Variants in EML1 observed in about 807,000 individuals in gnomAD.
EML1 encodes the protein EMAP like 1.
Under a neutral mutation model 110.4 loss-of-function variants are expected in EML1, and 27 were observed. The observed-to-expected ratio is 0.24, with a 90% CI of 0.18 to 0.34. The LOEUF (loss-of-function observed/expected upper bound fraction) is 0.34. Among genes scored for constraint, EML1 ranks in the 10% least tolerant of loss-of-function variants. The probability of loss-of-function intolerance (pLI) is 1.00; values close to 1 mark genes in which losing one functional copy is unlikely to be tolerated. For missense variants in EML1, 741 were observed against 1,030.9 expected (o/e 0.72, Z 3.85); for synonymous variants, 344 against 385.8 (o/e 0.89, Z 1.27).
Position 99,936,514 on chromosome 14 carries a change from C to G in EML1, c.2095+180C>G, listed in dbSNP as rs1003488037. Reference sequence around the variant, plus strand: ...GGGCTGCGTGGCTTCTTGGGTCCTTCCCGGTTTCCTGCTGACTGTGAGCCC... The same window carrying G: ...GGGCTGCGTGGCTTCTTGGGTCCTTGCCGGTTTCCTGCTGACTGTGAGCCC... On this transcript the variant is annotated intron_variant, in intron 19 of 21. Transcript: ENST00000262233. This position sits in a 1 kb window ranked among gnomAD's most constrained non-coding sequence, Gnocchi z 5.5. 5.3e-5 allele frequency among the ~76,000 whole-genome samples: 8 copies of G among 152,128 alleles called. No homozygotes were observed. The highest frequency in any genetic ancestry group is 1.9e-4 in the African/African-American group (8 of 41,430).
intron 4 of EML1, among the ~76,000 whole-genome samples, chr14:99,880,392 C>T (rs900544717): frequency 4.6e-5 from 7 of 152,128 alleles, no homozygotes; most frequent in Non-Finnish European, 8.8e-5. Context: ...GACCCCTTCC[C>T]GCCTTTCTTC....
intron 9 of EML1, among the ~76,000 whole-genome samples, chr14:99,904,520 T>G (rs989437853): frequency 6.0e-5 from 9 of 151,136 alleles, no homozygotes; most frequent in African/African-American, 9.7e-5. Flanking sequence ...CACTTTTTAC[T>G]TTTCTTACAA....
chr14:99,880,612 C>T (rs1364322315), intron 4 of EML1, among the ~76,000 whole-genome samples: 5 of 152,134 alleles, frequency 3.3e-5, no homozygotes, highest in African/African-American at 7.2e-5. Flanking sequence ...ATCGCTCACT[C>T]GACATGTCCA....
At position 99,939,851 on chromosome 14, in the gene EML1, C is replaced by G; in HGVS notation, c.2323-136C>G. 9.0e-7 allele frequency: 1 copy of G among 1,110,316 alleles called. No individual in the cohort carries two copies. Among genetic ancestry groups the G allele is most frequent in the East Asian group, 2.6e-5 (1 of 38,432 alleles). 68.8% of individuals were successfully genotyped at this position (1,110,316 alleles called of 1,614,324 possible). A position where few individuals can be genotyped will look rare whatever the true frequency, so the allele number is the denominator to read the frequency against. On this transcript the variant is annotated intron_variant, in intron 21 of 21. Coordinates refer to ENST00000262233, the MANE Select transcript of EML1 (RefSeq NM_004434.3). The surrounding 1 kb of genome is among the most constrained non-coding windows in gnomAD (Gnocchi z 4.2). The stretch of plus-strand genomic sequence containing the variant: ...TGTCCCTTCTGTGTCACACACAGAG[C>G]AGGTTCCCAAGTGAGAGCTGCCGAG...
intron 1 of EML1, among the ~76,000 whole-genome samples, chr14:99,830,283 G>A (rs1403838063): frequency 6.6e-6 from 1 of 152,042 alleles, no homozygotes; most frequent in East Asian, 1.9e-4. Flanking sequence ...TTGGCCATTT[G>A]TATATCTTCT....
At chr14:99,793,692 T>A (rs2057713490) in intron 1 of EML1, 149 bp downstream of exon 1, 1 of 455,970 alleles carries the variant, frequency 2.2e-6, no homozygotes, top group African/African-American at 2.2e-5. Context: ...GCGGTCCCCG[T>A]TCCCGCCGCC....
intron 1 of EML1, among the ~76,000 whole-genome samples, chr14:99,814,580 G>A (rs547690215): frequency 6.6e-6 from 1 of 152,238 alleles, no homozygotes; most frequent in Admixed American, 6.5e-5. Flanking sequence ...GTATTTTATT[G>A]TAAAGCATTT....
intron 17 of EML1, among the ~76,000 whole-genome samples, chr14:99,931,496 T>C (rs921556027): frequency 6.6e-6 from 1 of 152,232 alleles, no homozygotes; most frequent in African/African-American, 2.4e-5. Context: ...GTTGTCCTTC[T>C]GCCCTGAGCA....
chr14:99,738,809 TCCCAGGCAG>T (rs1273580219), intron 1 of EML1, among the ~76,000 whole-genome samples: 2 of 152,148 alleles, frequency 1.3e-5, no homozygotes, highest in South Asian at 2.1e-4. Flanking sequence ...CAGATGGGCA[TCCCAGGCAG>T]CCCAGGCAGC....
At chr14:99,739,091 T>TGTGTGTGA (rs112232539) in intron 1 of EML1, among the ~76,000 whole-genome samples, 7 of 136,502 alleles carry the variant, frequency 5.1e-5, no homozygotes, top group South Asian at 2.5e-4. Context: ...TGTGTGTGTG[T>TGTGTGTGA]GAGAGAGAGA....
chr14:99,811,580 A>T (rs2058080180), intron 1 of EML1, among the ~76,000 whole-genome samples: 1 of 150,010 alleles, frequency 6.7e-6, no homozygotes, highest in Admixed American at 6.7e-5. Context: ...AGGCGGGAGG[A>T]TCACTTGACC....
intron 6 of EML1, among the ~76,000 whole-genome samples, chr14:99,896,024 A>G (rs528470029): frequency 6.6e-6 from 1 of 152,308 alleles, no homozygotes; most frequent in South Asian, 2.1e-4. Context: ...GTGAGCTTCC[A>G]GGGGAAAAAA....
chr14:99,803,935 A>G (rs923975687), intron 1 of EML1, among the ~76,000 whole-genome samples: 6 of 152,224 alleles, frequency 3.9e-5, no homozygotes, highest in African/African-American at 1.4e-4. Flanking sequence ...ATGATGCTTT[A>G]TCTACTATTG....
intron 1 of EML1, among the ~76,000 whole-genome samples, chr14:99,745,535 A>G (rs1449123660): frequency 6.6e-6 from 1 of 152,198 alleles, no homozygotes; most frequent in African/African-American, 2.4e-5. Flanking sequence ...GTTTGCAAAG[A>G]CTAGAGGTTG....
intron 1 of EML1, among the ~76,000 whole-genome samples, chr14:99,825,408 C>T (rs1222310033): frequency 6.6e-6 from 1 of 152,186 alleles, no homozygotes; most frequent in Non-Finnish European, 1.5e-5. Context: ...AATGATTTCA[C>T]TTCCTTTGGA....
chr14:99,896,617 G>A (rs72710038), intron 6 of EML1, among the ~76,000 whole-genome samples: 1,755 of 152,192 alleles, frequency 0.012, 15 homozygotes, highest in Non-Finnish European at 0.02. Context: ...ATCTTGCCGG[G>A]TTACTTTTTA....
chr14:99,793,442 G>C lies in EML1; in HGVS notation c.-35G>C. 2 of 1,036,154 alleles carry C rather than the reference G, an allele frequency of 1.9e-6. No homozygotes were observed. Among genetic ancestry groups the C allele is most frequent in the Non-Finnish European group, 2.3e-6 (2 of 862,488 alleles). 64.2% of individuals were successfully genotyped at this position (1,036,154 alleles called of 1,614,324 possible). A position where few individuals can be genotyped will look rare whatever the true frequency, so the allele number is the denominator to read the frequency against. ...TGTGGTGAGCGGCGGCGGCGCGGCC[G>C]GGCCGGGGAGCGGGCGCGGCCCGGC... On this transcript the variant is annotated 5_prime_UTR_variant, in exon 1 of 22. Coordinates refer to ENST00000262233, the MANE Select transcript of EML1 (RefSeq NM_004434.3).
At chr14:99,828,627 A>G (rs1283572654) in intron 1 of EML1, among the ~76,000 whole-genome samples, 1 of 152,220 alleles carries the variant, frequency 6.6e-6, no homozygotes. Flanking sequence ...CTTGAACAAT[A>G]TAGGGGTTAC....
intron 3 of EML1, among the ~76,000 whole-genome samples, chr14:99,873,218 A>T (rs759344379): frequency 4.6e-5 from 7 of 152,250 alleles, no homozygotes; most frequent in Non-Finnish European, 1.0e-4. Context: ...ATGTGAACAG[A>T]GATCAAAAGA....
Sources: allele counts gnomAD v4.1 joint callset (sites outside exome capture counted in the v4.1 genomes callset), GRCh38; gene constraint gnomAD v4.1.1; non-coding constraint Gnocchi (gnomAD v3.1); transcripts MANE v1.5; gene names NCBI Gene and HGNC (gene_info 2026-07-23, HGNC 2026-07-21).